Variants in ZBTB20 observed in about 807,000 individuals in gnomAD.
The protein encoded by ZBTB20 is zinc finger and BTB domain-containing protein 20.
Under a neutral mutation model 56.9 loss-of-function variants are expected in ZBTB20, and 9 were observed. The ratio of observed to expected loss-of-function variants is 0.16; its 90% CI spans 0.10 to 0.28. ZBTB20 has a LOEUF of 0.28. Ranked by LOEUF, ZBTB20 falls within the 10% of genes least tolerant of loss-of-function variation. ZBTB20 has a pLI of 1.00. For synonymous variants in ZBTB20, 417 were observed against 420.7 expected (o/e 0.99, Z 0.11); for missense variants, 655 against 1,003.0 (o/e 0.65, Z 4.69).
At chr3:114,674,345 G>A (rs1317118837) in intron 6 of ZBTB20, among the ~76,000 whole-genome samples, 2 of 152,122 alleles carry the variant, frequency 1.3e-5, no homozygotes, top group East Asian at 3.9e-4. Flanking sequence ...ACAGGCTTTG[G>A]GGTCTTGGAC....
At chr3:114,891,048 C>T (rs879586265) in intron 4 of ZBTB20, among the ~76,000 whole-genome samples, 5 of 152,068 alleles carry the variant, frequency 3.3e-5, no homozygotes, top group Admixed American at 3.3e-4. Context: ...TCTGCCTCCA[C>T]TAAATATCTT....
At chr3:114,775,529 G>A (rs916223921) in intron 5 of ZBTB20, among the ~76,000 whole-genome samples, 1 of 146,560 alleles carries the variant, frequency 6.8e-6, no homozygotes, top group African/African-American at 2.5e-5. Context: ...TGCAATACAT[G>A]TGGGCTTTTG....
intron 8 of ZBTB20, among the ~76,000 whole-genome samples, chr3:114,386,032 C>A (rs553999081): frequency 6.6e-6 from 1 of 152,286 alleles, no homozygotes; most frequent in Non-Finnish European, 1.5e-5. Flanking sequence ...TTTCTGCTCA[C>A]ATGTTTGTCA....
chr3:114,771,816 CT>C, intron 5 of ZBTB20, among the ~76,000 whole-genome samples: 3 of 152,246 alleles, frequency 2.0e-5, no homozygotes, highest in Non-Finnish European at 4.4e-5. Context: ...AGATGTATTT[CT>C]GGTGTTAGAA....
intron 5 of ZBTB20, chr3:114,759,153 G>T (rs961947178): frequency 1.3e-5 from 2 of 152,072 alleles, no homozygotes; most frequent in African/African-American, 4.8e-5. Flanking sequence ...GAAGACTTTC[G>T]CCAATCAACC....
chr3:114,858,177 C>T (rs2075336102), intron 4 of ZBTB20, among the ~76,000 whole-genome samples: 1 of 152,086 alleles, frequency 6.6e-6, no homozygotes, highest in Admixed American at 6.5e-5. Flanking sequence ...CACTTGCATA[C>T]AACAGTAAAA....
At chr3:114,852,726 G>A (rs1368757176) in intron 4 of ZBTB20, among the ~76,000 whole-genome samples, 2 of 152,172 alleles carry the variant, frequency 1.3e-5, no homozygotes, top group African/African-American at 4.8e-5. Flanking sequence ...TTGCTTAGCT[G>A]ATAGCTAAAT....
At position 114,826,214 on chromosome 3, in the gene ZBTB20, A is replaced by G. The variant is rs1230383843; in HGVS notation, c.-416-25040T>C. On this transcript the variant is annotated intron_variant, in intron 4 of 11. Coordinates refer to ENST00000675478, the MANE Select transcript of ZBTB20 (RefSeq NM_001348800.3). ...AGTATAGTAATGAATTGAGAAATGA[A>G]TCATACACTTTTGACCTAATATGTA... 3.3e-5 allele frequency among the ~76,000 whole-genome samples: 5 copies of G among 151,818 alleles called. No homozygotes were observed. The East Asian group carries it at 7.8e-4, about 24-fold the overall frequency.
intron 4 of ZBTB20, among the ~76,000 whole-genome samples, chr3:114,859,257 C>CTCCT (rs71146343): frequency 0.033 from 3,293 of 99,928 alleles, 50 homozygotes; most frequent in South Asian, 0.062. Flanking sequence ...CTTTCTTTTC[C>CTCCT]TCCTTCCTTC....
chr3:114,781,960 T>C (rs2070136822), intron 5 of ZBTB20, among the ~76,000 whole-genome samples: 1 of 152,208 alleles, frequency 6.6e-6, no homozygotes, highest in Non-Finnish European at 1.5e-5. Flanking sequence ...TTTTTCTTTA[T>C]AAATTACCCA....
At chr3:114,600,742 T>C (rs9820162) in intron 6 of ZBTB20, among the ~76,000 whole-genome samples, 1 of 152,022 alleles carries the variant, frequency 6.6e-6, no homozygotes, top group Non-Finnish European at 1.5e-5. Context: ...AAATGAAACT[T>C]TAAATAGTAC....
At chr3:114,851,000 C>T (rs2074974757) in intron 4 of ZBTB20, among the ~76,000 whole-genome samples, 1 of 152,112 alleles carries the variant, frequency 6.6e-6, no homozygotes, top group African/African-American at 2.4e-5. Flanking sequence ...ATAAAAAGAA[C>T]CAAGCCCAGA....
intron 3 of ZBTB20, among the ~76,000 whole-genome samples, chr3:114,919,435 T>A (rs1333494535): frequency 6.6e-6 from 1 of 151,886 alleles, no homozygotes. Flanking sequence ...AGGCCAGGCA[T>A]GGTGGCTCAT....
intron 2 of ZBTB20, among the ~76,000 whole-genome samples, chr3:114,997,115 C>A (rs2079059674): frequency 2.0e-5 from 3 of 151,794 alleles, no homozygotes; most frequent in African/African-American, 7.2e-5. Context: ...ACAGTAGGGG[C>A]AGTTGAGGCA....
intron 2 of ZBTB20, among the ~76,000 whole-genome samples, chr3:115,020,695 T>C (rs2080168585): frequency 6.6e-6 from 1 of 151,084 alleles, no homozygotes; most frequent in Non-Finnish European, 1.5e-5. Context: ...AGTTTGCTTC[T>C]TCATGTTTAT....
rs753282507 is a variant in ZBTB20, at chr3:114,705,634, T to C, written c.-342-12059A>G. 2.6e-5 allele frequency among the ~76,000 whole-genome samples: 4 copies of C among 152,182 alleles called. No individual in the cohort carries two copies. The East Asian group carries it at 5.8e-4, about 22-fold the overall frequency. On this transcript the variant is annotated intron_variant, in intron 5 of 11. Transcript: ENST00000675478. ...CAACAAACCCAGTATCAAAATTTGG[T>C]ATTTTTTTCCCCACTCAAGTGTTAG...
Position 114,454,175 on chromosome 3 carries a change from G to GGAGAGAGAGAGAGAGAGAGAGA in ZBTB20, c.-255+46155_-255+46176dup, listed in dbSNP as rs71146322. On this transcript the variant is annotated intron_variant, in intron 7 of 11. Coordinates refer to ENST00000675478, the MANE Select transcript of ZBTB20 (RefSeq NM_001348800.3). ...AGAGGAAGAGAGAGGAAAAGAGAAG[G>GGAGAGAGAGAGAGAGAGAGAGA]GAGAGAGAGAGAGAGAGAGAGAGAG... Among the ~76,000 whole-genome samples, 17 of 116,692 alleles carry GGAGAGAGAGAGAGAGAGAGAGA rather than the reference G, an allele frequency of 1.5e-4. 1 individual carries two copies. The highest frequency in any genetic ancestry group is 3.6e-4 in the African/African-American group (9 of 25,124). The allele number at this position is 116,692 out of a possible 152,430, so 76.6% of individuals were successfully genotyped here. A position where few individuals can be genotyped will look rare whatever the true frequency, so the allele number is the denominator to read the frequency against.
intron 5 of ZBTB20, among the ~76,000 whole-genome samples, chr3:114,773,039 A>T (rs1436790405): frequency 6.6e-6 from 1 of 152,212 alleles, no homozygotes; most frequent in Non-Finnish European, 1.5e-5. Flanking sequence ...GCTGGCTCTG[A>T]CATATAGGGA....
At chr3:114,852,900 C>T (rs769395082) in intron 4 of ZBTB20, among the ~76,000 whole-genome samples, 1 of 152,104 alleles carries the variant, frequency 6.6e-6, no homozygotes, top group Non-Finnish European at 1.5e-5. Context: ...CTCACCAACT[C>T]GACCGTGCAC....
Sources: allele counts gnomAD v4.1 joint callset (sites outside exome capture counted in the v4.1 genomes callset), GRCh38; gene constraint gnomAD v4.1.1; transcripts MANE v1.5; gene names NCBI Gene and HGNC (gene_info 2026-07-23, HGNC 2026-07-21).